KCNQ4: variants seen among roughly 807,000 people sequenced by gnomAD.
The protein encoded by KCNQ4 is potassium voltage-gated channel subfamily Q member 4.
KCNQ4 carries 31 observed loss-of-function variants against 72.6 expected under a neutral mutation model. The ratio of observed to expected loss-of-function variants is 0.43; its 90% CI spans 0.32 to 0.58. KCNQ4 has a LOEUF of 0.58. KCNQ4 is among the 20% of genes least tolerant of loss of function. The probability of loss-of-function intolerance (pLI) is 0.08; values close to 1 mark genes in which losing one functional copy is unlikely to be tolerated. For synonymous variants in KCNQ4, 405 were observed against 403.7 expected (o/e 1.00, Z -0.04); for missense variants, 869 against 962.6 (o/e 0.90, Z 1.29).
chr1:40,784,243 C>A lies in KCNQ4; in HGVS notation c.150C>A (p.Ser50Arg), dbSNP rs1647181592. The A allele has an allele frequency of 5.2e-6, 7 of 1,358,144 alleles. No individual in the cohort carries two copies. The South Asian group carries it at 1.2e-4, about 23-fold the overall frequency. The allele number at this position is 1,358,144 out of a possible 1,614,324, so 84.1% of individuals were successfully genotyped here. Residue 50 changes from serine (S) to arginine (R), a missense_variant, in exon 1 of 14, where the codon AGC becomes AGA. This residue lies in a region of KCNQ4 where 178 missense variants were observed against 145.3 expected (regional missense o/e 1.22). Transcript: ENST00000347132. This position sits in a 1 kb window ranked among gnomAD's most constrained non-coding sequence, Gnocchi z 4.1. ...GSPRRLGLLGSPLPPGAPLPG... is the reference protein window; with the variant it reads ...GSPRRLGLLGRPLPPGAPLPG... ...CGCGCCGCCTCGGCCTCCTGGGCAGCCCCCTGCCGCCGGGCGCGCCCCTCC... is the reference window on the plus strand; with the variant it reads ...CGCGCCGCCTCGGCCTCCTGGGCAGACCCCTGCCGCCGGGCGCGCCCCTCC...
In KCNQ4 at chr1:40,832,817, G is replaced by A. The variant is rs545771005; in HGVS notation, c.1514-197G>A. ...TTTACCCTGACTGGCCACCGGGGCA[G>A]ATGGGCATGCAACACACTGGGGCTT... On this transcript the variant is annotated intron_variant, in intron 10 of 13. Coordinates refer to ENST00000347132, the MANE Select transcript of KCNQ4 (RefSeq NM_004700.4). Among the ~76,000 whole-genome samples, 6 of 152,338 alleles carry A rather than the reference G, an allele frequency of 3.9e-5. No individual in the cohort carries two copies. In the South Asian group the frequency reaches 1.2e-3, roughly 32 times the overall value.
At chr1:40,831,992 T>G (rs543683649) in intron 10 of KCNQ4, among the ~76,000 whole-genome samples, 3 of 152,340 alleles carry the variant, frequency 2.0e-5, no homozygotes, top group East Asian at 3.9e-4. Context: ...TTCCTACCCC[T>G]CTTCACCCAG....
chr1:40,807,371 T>C (rs1046129517), intron 1 of KCNQ4, among the ~76,000 whole-genome samples: 1 of 152,118 alleles, frequency 6.6e-6, no homozygotes, highest in African/African-American at 2.4e-5. Flanking sequence ...CAGGGCCCCA[T>C]TGCAATTTCT....
At chr1:40,802,646 A>G (rs1243919460) in intron 1 of KCNQ4, among the ~76,000 whole-genome samples, 2 of 152,080 alleles carry the variant, frequency 1.3e-5, no homozygotes, top group Non-Finnish European at 2.9e-5. Context: ...GGGCGGGGGA[A>G]GGGGGCCGAG....
Position 40,835,000 on chromosome 1 carries a change from C to G in KCNQ4, c.1647C>G (p.Phe549Leu), listed in dbSNP as rs1362729181. 1.9e-6 allele frequency: 3 copies of G among 1,614,024 alleles called. No individual in the cohort carries two copies. The highest frequency in any genetic ancestry group is 1.1e-5 in the South Asian group (1 of 91,084). ...AGTTCCTGGTGGCCAAAAGGAAATTCAAGGAGACACTGCGACCGTACGACG... is the reference window on the plus strand; with the variant it reads ...AGTTCCTGGTGGCCAAAAGGAAATTGAAGGAGACACTGCGACCGTACGACG... ...ILKFLVAKRK[F>L]KETLRPYDVK... The change falls in exon 12 of 14, where the codon TTC (phenylalanine) becomes TTG (leucine). Residue 549 changes from phenylalanine to leucine, a missense_variant. By Grantham distance (22) the Phe-to-Leu change is conservative. Around this residue, in one of 5 missense-constraint regions of KCNQ4, gnomAD observed 480 missense variants for 501.9 expected, o/e 0.96. Coordinates refer to ENST00000347132, the MANE Select transcript of KCNQ4 (RefSeq NM_004700.4).
chr1:40,808,226 G>A (rs890875612), intron 1 of KCNQ4, among the ~76,000 whole-genome samples: 7 of 152,098 alleles, frequency 4.6e-5, no homozygotes, highest in Non-Finnish European at 1.0e-4. Flanking sequence ...AGGAAGGAGG[G>A]GGCAAGGCCT....
rs114916292 is a variant in KCNQ4 at position 40,836,711 on chromosome 1, A to G, written c.1746-954A>G. ...GAACTGGGAGAGGGTGGTGTTTCAA[A>G]TGAAGAAAGGGTTTGCTGGAAGAAG... is the stretch of plus-strand genomic sequence containing the variant. On this transcript the variant is annotated intron_variant, in intron 12 of 13. Coordinates refer to ENST00000347132, the MANE Select transcript of KCNQ4 (RefSeq NM_004700.4). Among the ~76,000 whole-genome samples the G allele has an allele frequency of 4.1e-3, 629 of 152,308 alleles. 2 individuals are homozygous for G. Among genetic ancestry groups the G allele is most frequent in the African/African-American group, 0.014 (596 of 41,560 alleles).
At chr1:40,804,064 C>T (rs531368207) in intron 1 of KCNQ4, among the ~76,000 whole-genome samples, 220 of 152,322 alleles carry the variant, frequency 1.4e-3, no homozygotes, top group African/African-American at 4.6e-3. Flanking sequence ...TCTTCCCTCC[C>T]TCTCCCTCCC....
chr1:40,819,251 A>G, intron 4 of KCNQ4, 96 bp from the exon 5 acceptor site: 1 of 1,449,908 alleles, frequency 6.9e-7, no homozygotes, highest in South Asian at 1.1e-5. Context: ...GGACTCCGGG[A>G]GATGGGGGAC....
intron 1 of KCNQ4, among the ~76,000 whole-genome samples, chr1:40,815,700 T>C (rs766559426): frequency 6.6e-6 from 1 of 152,068 alleles, no homozygotes; most frequent in South Asian, 2.1e-4. Flanking sequence ...TTTGCTGGGA[T>C]ACACTTGCCC....
intron 9 of KCNQ4, among the ~76,000 whole-genome samples, chr1:40,828,221 G>A (rs1479906571): frequency 2.6e-5 from 4 of 152,172 alleles, no homozygotes; most frequent in Non-Finnish European, 1.5e-5. Flanking sequence ...GGACCAGCAG[G>A]GCAGCCTGGG....
chr1:40,809,440 C>T (rs143766881), intron 1 of KCNQ4, among the ~76,000 whole-genome samples: 373 of 152,328 alleles, frequency 2.4e-3, no homozygotes, highest in Non-Finnish European at 4.7e-3. Flanking sequence ...CCACCCAACA[C>T]CTGCTCCTCC....
At chr1:40,828,356 G>A (rs1356072081) in intron 9 of KCNQ4, among the ~76,000 whole-genome samples, 2 of 152,150 alleles carry the variant, frequency 1.3e-5, no homozygotes, top group Non-Finnish European at 2.9e-5. Flanking sequence ...AATTCTTTGT[G>A]GATTGCGACT....
chr1:40,793,356 C>G (rs1647326947), intron 1 of KCNQ4, among the ~76,000 whole-genome samples: 1 of 152,132 alleles, frequency 6.6e-6, no homozygotes, highest in Non-Finnish European at 1.5e-5. Context: ...TCTCTTGGTT[C>G]TATCAGCAAG....
chr1:40,811,601 C>T (rs1647930491), intron 1 of KCNQ4, among the ~76,000 whole-genome samples: 1 of 152,244 alleles, frequency 6.6e-6, no homozygotes, highest in African/African-American at 2.4e-5. Flanking sequence ...TTTTTCATCT[C>T]TAATCCTCTT....
intron 1 of KCNQ4, among the ~76,000 whole-genome samples, chr1:40,802,642 G>A (rs9970530): frequency 0.38 from 57,479 of 152,040 alleles, 11,240 homozygotes; most frequent in African/African-American, 0.47. Context: ...GCCCGGGCGG[G>A]GGAAGGGGGC....
intron 9 of KCNQ4, among the ~76,000 whole-genome samples, chr1:40,824,703 G>A (rs1648424812): frequency 6.6e-6 from 1 of 152,168 alleles, no homozygotes; most frequent in African/African-American, 2.4e-5. Flanking sequence ...CCCTCCCCCG[G>A]CATGTTGCTC....
At position 40,817,995 on chromosome 1, in the gene KCNQ4, C is replaced by G. The variant is rs1338563843; in HGVS notation, c.406-169C>G. On this transcript the variant is annotated intron_variant, in intron 2 of 13. Transcript: ENST00000347132. This position sits in a 1 kb window ranked among gnomAD's most constrained non-coding sequence, Gnocchi z 5.5. ...GGGCTTTTAGTCTTCTTGCAGGAGG[C>G]GGAGGGGGCCACCTGCCCTCCGGAA... is the stretch of plus-strand genomic sequence containing the variant. Among the ~76,000 whole-genome samples the G allele has an allele frequency of 1.3e-5, 2 of 152,014 alleles. No individual in the cohort carries two copies. The highest frequency in any genetic ancestry group is 2.9e-5 in the Non-Finnish European group (2 of 67,998).
At chr1:40,802,502 A>G (rs1183673269) in intron 1 of KCNQ4, among the ~76,000 whole-genome samples, 1 of 151,804 alleles carries the variant, frequency 6.6e-6, no homozygotes, top group Non-Finnish European at 1.5e-5. Flanking sequence ...CCTCCCAGGG[A>G]CGCAAGAGCC....
Sources: gnomAD v4.1 joint callset for allele counts (sites outside exome capture counted in the v4.1 genomes callset) on GRCh38, gnomAD v4.1.1 for gene constraint, gnomAD v4.1.1 regional missense constraint, Gnocchi (gnomAD v3.1) non-coding constraint, MANE v1.5 for transcripts, NCBI Gene and HGNC (gene_info 2026-07-23, HGNC 2026-07-21) for gene names.